Variants in EPHA6 observed in about 807,000 individuals in gnomAD.
EPHA6 encodes the protein ephrin type-A receptor 6.
A neutral mutation model predicts 112.0 loss-of-function variants in EPHA6; 50 were observed. The ratio of observed to expected loss-of-function variants is 0.45; its 90% confidence interval spans 0.36 to 0.56. The LOEUF (loss-of-function observed/expected upper bound fraction) is 0.56. Among genes scored for constraint, EPHA6 ranks in the 20% least tolerant of loss-of-function variants. The pLI, the probability that EPHA6 is intolerant of heterozygous loss-of-function variation, is 0.00. For synonymous variants in EPHA6, 529 were observed against 490.7 expected (o/e 1.08, Z -1.03); for missense variants, 1,280 against 1,417.4 (o/e 0.90, Z 1.56).
At chr3:97,687,058 A>T (rs1241309767) in intron 14 of EPHA6, among the ~76,000 whole-genome samples, 1 of 152,202 alleles carries the variant, frequency 6.6e-6, no homozygotes, top group Admixed American at 6.5e-5. Flanking sequence ...CTTATGGTGC[A>T]TGAAGAGGAC....
At chr3:97,696,762 C>T (rs867959170) in intron 14 of EPHA6, among the ~76,000 whole-genome samples, 5 of 152,060 alleles carry the variant, frequency 3.3e-5, no homozygotes, top group Non-Finnish European at 7.4e-5. Flanking sequence ...ATTAAACTTC[C>T]TCAAAAGAGG....
In EPHA6 at chr3:97,128,872, C is replaced by CTTTT. The variant is rs377407255; in HGVS notation, c.1115-97376_1115-97373dup. On this transcript the variant is annotated intron_variant, in intron 3 of 17. Coordinates refer to ENST00000389672, the MANE Select transcript of EPHA6 (RefSeq NM_001080448.3). Reference sequence around the variant, plus strand: ...TCTTCTACTACCTGAATTTTTATGTCTTTTTTTTTTTTTTTTTTTGAGACA... The same window carrying CTTTT: ...TCTTCTACTACCTGAATTTTTATGTCTTTTTTTTTTTTTTTTTTTTTTTGAGACA... Among the ~76,000 whole-genome samples the CTTTT allele has an allele frequency of 2.1e-3, 241 of 117,504 alleles. 8 individuals are homozygous for CTTTT. Among genetic ancestry groups the CTTTT allele is most frequent in the Middle Eastern group, 5.3e-3 (1 of 190 alleles). 77.1% of individuals were successfully genotyped at this position (117,504 alleles called of 152,430 possible).
intron 5 of EPHA6, 41 bp from the exon 6 acceptor site, chr3:97,405,109 A>G (rs2087254670): frequency 6.5e-7 from 1 of 1,549,428 alleles, no homozygotes; most frequent in Non-Finnish European, 8.7e-7. Context: ...ATGGAAAATG[A>G]TTCCTGCCAA....
chr3:96,981,627 G>A (rs72916485), intron 2 of EPHA6, among the ~76,000 whole-genome samples: 3,272 of 152,190 alleles, frequency 0.021, 109 homozygotes, highest in African/African-American at 0.068. Flanking sequence ...CAGAAGGAAT[G>A]GTACCAGCTC....
At chr3:97,363,227 T>C (rs1559923017) in intron 5 of EPHA6, among the ~76,000 whole-genome samples, 1 of 74,016 alleles carries the variant, frequency 1.4e-5, no homozygotes, top group African/African-American at 3.8e-5. Flanking sequence ...TATATATATA[T>C]ATATATATAT....
chr3:97,685,152 A>G (rs1180056517), intron 14 of EPHA6, among the ~76,000 whole-genome samples: 1 of 152,156 alleles, frequency 6.6e-6, no homozygotes, highest in Non-Finnish European at 1.5e-5. Context: ...AACAGAAATA[A>G]ATTTGTCTAG....
At chr3:97,188,706 A>G (rs560977633) in intron 3 of EPHA6, among the ~76,000 whole-genome samples, 22 of 152,134 alleles carry the variant, frequency 1.4e-4, no homozygotes, top group African/African-American at 5.1e-4. Flanking sequence ...TTTAATCTAC[A>G]TTATGCAAAT....
intron 14 of EPHA6, among the ~76,000 whole-genome samples, chr3:97,675,340 C>T (rs1405793501): frequency 3.3e-5 from 5 of 151,832 alleles, no homozygotes; most frequent in African/African-American, 9.7e-5. Flanking sequence ...ATTAGCCAGG[C>T]GGGGTGGTGG....
intron 2 of EPHA6, among the ~76,000 whole-genome samples, chr3:96,977,720 A>G (rs2042590091): frequency 6.6e-6 from 1 of 152,146 alleles, no homozygotes; most frequent in African/African-American, 2.4e-5. Flanking sequence ...ATAACATTTG[A>G]CTGTCCAGAA....
At position 96,986,630 on chromosome 3, in the gene EPHA6, T is replaced by C. The variant is rs146379543; in HGVS notation, c.451-700T>C. On this transcript the variant is annotated intron_variant, in intron 2 of 17. Transcript: ENST00000389672. ...ACCTGTTTTTCCCCATTGTACTTTCTACCATATTATTTAGTTTTATTCATT... is the reference window on the plus strand; with the variant it reads ...ACCTGTTTTTCCCCATTGTACTTTCCACCATATTATTTAGTTTTATTCATT... 7.7e-4 allele frequency among the ~76,000 whole-genome samples: 118 copies of C among 152,304 alleles called. 3 individuals are homozygous for C. The East Asian group carries it at 0.022, about 28-fold the overall frequency.
At chr3:97,647,533 C>T (rs374208621) in intron 14 of EPHA6, among the ~76,000 whole-genome samples, 8 of 152,006 alleles carry the variant, frequency 5.3e-5, no homozygotes, top group African/African-American at 1.9e-4. Flanking sequence ...AGAACTGAGG[C>T]CTTGTTTTTA....
chr3:97,110,149 C>T (rs1012670469), intron 3 of EPHA6, among the ~76,000 whole-genome samples: 2 of 152,046 alleles, frequency 1.3e-5, no homozygotes, highest in African/African-American at 4.8e-5. Context: ...TAACACCATT[C>T]TGTGAAAAAG....
intron 6 of EPHA6, among the ~76,000 whole-genome samples, chr3:97,425,535 G>C (rs1559990782): frequency 6.6e-6 from 1 of 152,214 alleles, no homozygotes; most frequent in Non-Finnish European, 1.5e-5. Context: ...GCACAGCAGA[G>C]GGGCCCTGGG....
chr3:97,161,096 G>T (rs911156635), intron 3 of EPHA6, among the ~76,000 whole-genome samples: 5 of 152,118 alleles, frequency 3.3e-5, no homozygotes, highest in Non-Finnish European at 5.9e-5. Context: ...ACTTCCATTT[G>T]ATGATGGAGT....
At chr3:97,297,442 A>G (rs1187548240) in intron 5 of EPHA6, among the ~76,000 whole-genome samples, 1 of 152,110 alleles carries the variant, frequency 6.6e-6, no homozygotes, top group African/African-American at 2.4e-5. Flanking sequence ...CTTTGATGTC[A>G]ATTTTTAGGT....
chr3:97,013,674 T>C (rs973931576), intron 3 of EPHA6, among the ~76,000 whole-genome samples: 2 of 152,326 alleles, frequency 1.3e-5, no homozygotes, highest in Non-Finnish European at 2.9e-5. Context: ...TATTATGTTA[T>C]GAAATATGTT....
intron 11 of EPHA6, among the ~76,000 whole-genome samples, chr3:97,584,400 A>G (rs146709934): frequency 1.3e-5 from 2 of 152,306 alleles, no homozygotes; most frequent in East Asian, 3.9e-4. Flanking sequence ...TTTATTTGAT[A>G]TCTGCAGTGT....
At chr3:97,231,944 TAAAG>T (rs772398348) in intron 4 of EPHA6, among the ~76,000 whole-genome samples, 4 of 151,072 alleles carry the variant, frequency 2.6e-5, no homozygotes, top group African/African-American at 7.3e-5. Flanking sequence ...CTTAAACAAA[TAAAG>T]AAACTTCAGA....
rs553821929 is a variant in EPHA6, at chr3:97,227,975, G to A, written c.1270+1556G>A. Among the ~76,000 whole-genome samples, 399 of 152,262 alleles carry A rather than the reference G, an allele frequency of 2.6e-3. 3 individuals carry two copies. Among genetic ancestry groups the A allele is most frequent in the African/African-American group, 8.6e-3 (358 of 41,554 alleles). ...TCAGATAGTTGATATCAGCGGTGGA[G>A]TGGGTCTTTAAAAAGGGCTGGCTTC... On this transcript the variant is annotated intron_variant, in intron 4 of 17. Transcript: ENST00000389672.
Sources: allele counts gnomAD v4.1 joint callset (sites outside exome capture counted in the v4.1 genomes callset), GRCh38; gene constraint gnomAD v4.1.1; transcripts MANE v1.5; gene names NCBI Gene and HGNC (gene_info 2026-07-23, HGNC 2026-07-21).